PDE9A: variants seen among roughly 807,000 people sequenced by gnomAD.
PDE9A encodes the protein phosphodiesterase 9A, also known as high affinity cGMP-specific 3',5'-cyclic phosphodiesterase 9A.
Under a neutral mutation model 87.4 loss-of-function variants are expected in PDE9A, and 60 were observed. The observed-to-expected ratio is 0.69, with a 90% CI of 0.56 to 0.85. The LOEUF is 0.85. Ranked by LOEUF, PDE9A falls within the 40% of genes least tolerant of loss-of-function variation. The pLI, the probability that PDE9A is intolerant of heterozygous loss-of-function variation, is 0.00. For missense variants in PDE9A, 665 were observed against 779.0 expected, an observed-to-expected ratio of 0.85 and a Z score of 1.74; for synonymous variants, 272 against 279.4, an observed-to-expected ratio of 0.97 and a Z score of 0.27.
In PDE9A at chr21:42,759,812, T is replaced by TGTGTGTGTGTGGATGTGGGGTGTGTGA; in HGVS notation, c.898-508_898-482dup. On this transcript the variant is annotated intron_variant, in intron 11 of 19. Coordinates refer to ENST00000291539, the MANE Select transcript of PDE9A (RefSeq NM_002606.3). This position sits in a 1 kb window ranked among gnomAD's most constrained non-coding sequence, Gnocchi z 7.2. The stretch of plus-strand genomic sequence containing the variant: ...GGGTGTGTGAGGGTGGATGTGTGCA[T>TGTGTGTGTGTGGATGTGGGGTGTGTGA]GTGTGTGTGTGGATGTGGGGTGTGT... Among the ~76,000 whole-genome samples, 2 of 146,202 alleles carry TGTGTGTGTGTGGATGTGGGGTGTGTGA rather than the reference T, an allele frequency of 1.4e-5. No individual in the cohort carries two copies. Among genetic ancestry groups the TGTGTGTGTGTGGATGTGGGGTGTGTGA allele is most frequent in the African/African-American group, 5.1e-5 (2 of 39,270 alleles).
chr21:42,669,124 G>A (rs1029195161), intron 1 of PDE9A, among the ~76,000 whole-genome samples: 31 of 152,266 alleles, frequency 2.0e-4, no homozygotes, highest in African/African-American at 7.2e-4. Flanking sequence ...GTAGCAAATG[G>A]CCATAAATGC....
intron 17 of PDE9A, 99 bp downstream of exon 17, chr21:42,769,254 C>T (rs1196710156): frequency 2.6e-6 from 3 of 1,137,664 alleles, no homozygotes; most frequent in Non-Finnish European, 3.9e-6. Context: ...CAGGTACACA[C>T]AGACACACAC....
At position 42,732,108 on chromosome 21, in the gene PDE9A, G is replaced by A. The variant is rs1179298961; in HGVS notation, c.481G>A (p.Ala161Thr). Residue 161 changes from alanine to threonine, a missense_variant, in exon 6 of 20, where the codon GCA (alanine) becomes ACA (threonine). By Grantham distance (58) the Ala-to-Thr change is moderately conservative. Transcript: ENST00000291539. ...ELIQSVLAQV[A>T]EQFSRAFKIN... is the part of the protein sequence containing the mutation. ...AATCCAGAGCGTGCTGGCGCAGGTT[G>A]CAGAGCAGTTCTCAAGGTACAGAGT... 5.0e-6 allele frequency: 8 copies of A among 1,614,138 alleles called. No individual in the cohort carries two copies. Among genetic ancestry groups the A allele is most frequent in the Non-Finnish European group, 6.8e-6 (8 of 1,179,968 alleles).
rs370215795 is a variant in PDE9A, at chr21:42,765,372, G to A, written c.1243-9G>A. 3.2e-5 allele frequency: 49 copies of A among 1,527,098 alleles called. 1 individual carries two copies. Among genetic ancestry groups the A allele is most frequent in the African/African-American group, 2.7e-4 (20 of 73,298 alleles). 94.6% of individuals were successfully genotyped at this position (1,527,098 alleles called of 1,614,324 possible). A position where few individuals can be genotyped will look rare whatever the true frequency, so the allele number is the denominator to read the frequency against. On this transcript the variant is annotated splice_polypyrimidine_tract_variant and intron_variant, in intron 14 of 19. Coordinates refer to ENST00000291539, the MANE Select transcript of PDE9A (RefSeq NM_002606.3). Reference sequence around the variant, plus strand: ...ACCCGTGTTAACACGTTGTTCTCTCGCTATTTAGGGAATGATCACATTAAT... The same window carrying A: ...ACCCGTGTTAACACGTTGTTCTCTCACTATTTAGGGAATGATCACATTAAT...
chr21:42,775,458 A>G lies in PDE9A; in HGVS notation c.*165A>G. On this transcript the variant is annotated 3_prime_UTR_variant, in exon 20 of 20. Coordinates refer to ENST00000291539, the MANE Select transcript of PDE9A (RefSeq NM_002606.3). ...AAAAAAAAGGAATTCATGATGCTGTACAGAATTTTATTTTTAAACTGTCTT... is the reference window on the plus strand; with the variant it reads ...AAAAAAAAGGAATTCATGATGCTGTGCAGAATTTTATTTTTAAACTGTCTT... 3 of 541,166 alleles carry G rather than the reference A, an allele frequency of 5.5e-6. No individual in the cohort carries two copies. The highest frequency in any genetic ancestry group is 9.9e-6 in the Non-Finnish European group (3 of 303,896). The allele number at this position is 541,166 out of a possible 1,614,324, so 33.5% of individuals were successfully genotyped here. A position where few individuals can be genotyped will look rare whatever the true frequency, so the allele number is the denominator to read the frequency against.
chr21:42,685,003 G>A (rs1354116241), intron 1 of PDE9A, among the ~76,000 whole-genome samples: 5 of 151,232 alleles, frequency 3.3e-5, no homozygotes, highest in African/African-American at 4.9e-5. Context: ...AAAATGGTGC[G>A]CTGGGCACCG....
chr21:42,707,642 C>T (rs529200071), intron 4 of PDE9A, among the ~76,000 whole-genome samples: 2 of 152,152 alleles, frequency 1.3e-5, no homozygotes, highest in Non-Finnish European at 2.9e-5. Context: ...TCCTTGTCTC[C>T]GGTGGGCTTT....
chr21:42,706,452 C>T (rs1569178545), intron 4 of PDE9A, among the ~76,000 whole-genome samples: 1 of 152,138 alleles, frequency 6.6e-6, no homozygotes, highest in Non-Finnish European at 1.5e-5. Context: ...TGAGACCAGA[C>T]TGGCCAACAT....
chr21:42,736,066 G>T (rs962473467), intron 7 of PDE9A, among the ~76,000 whole-genome samples: 14 of 152,028 alleles, frequency 9.2e-5, no homozygotes, highest in African/African-American at 2.7e-4. Context: ...GCGGGCAGCA[G>T]GTGCCTCCCA....
intron 1 of PDE9A, among the ~76,000 whole-genome samples, chr21:42,668,905 G>GC (rs199971347): frequency 1.7e-5 from 2 of 115,650 alleles, no homozygotes; most frequent in African/African-American, 7.7e-5. Context: ...TCCACCCCCC[G>GC]CCACGTCCCA....
intron 4 of PDE9A, among the ~76,000 whole-genome samples, chr21:42,727,155 G>T (rs9978356): frequency 1.3e-5 from 2 of 150,164 alleles, no homozygotes; most frequent in Admixed American, 1.3e-4. Flanking sequence ...TATGTGGGGA[G>T]AATTTACTAT....
chr21:42,670,240 C>CACACACAT (rs796446421), intron 1 of PDE9A, among the ~76,000 whole-genome samples: 4 of 97,692 alleles, frequency 4.1e-5, no homozygotes, highest in Admixed American at 1.0e-4. Flanking sequence ...TACATTCACA[C>CACACACAT]TCATACACAT....
At chr21:42,725,668 T>C (rs573390154) in intron 4 of PDE9A, among the ~76,000 whole-genome samples, 2 of 152,246 alleles carry the variant, frequency 1.3e-5, no homozygotes, top group African/African-American at 2.4e-5. Flanking sequence ...TTGTCGCCTA[T>C]ATCCGTGGTT....
At chr21:42,727,489 A>ATTTTTTTTTTTTTTTTT (rs58515760) in intron 4 of PDE9A, among the ~76,000 whole-genome samples, 1 of 88,340 alleles carries the variant, frequency 1.1e-5, no homozygotes, top group African/African-American at 5.1e-5. Flanking sequence ...ACGCCTGGCT[A>ATTTTTTTTTTTTTTTTT]TTTTTTTTTT....
At chr21:42,711,507 T>A (rs907839092) in intron 4 of PDE9A, among the ~76,000 whole-genome samples, 1 of 152,032 alleles carries the variant, frequency 6.6e-6, no homozygotes, top group African/African-American at 2.4e-5. Context: ...CACCTCGGCC[T>A]CCCAAAGTGC....
Position 42,770,813 on chromosome 21 carries a change from G to T in PDE9A, c.1686+15G>T. On this transcript the variant is annotated intron_variant, in intron 18 of 19. Coordinates refer to ENST00000291539, the MANE Select transcript of PDE9A (RefSeq NM_002606.3). Reference sequence around the variant, plus strand: ...CCATGAAAGAGGTAAAACACACTGAGAAGAGCCTGCCTTCCTTGCGGCAAG... The same window carrying T: ...CCATGAAAGAGGTAAAACACACTGATAAGAGCCTGCCTTCCTTGCGGCAAG... The T allele has an allele frequency of 6.3e-7, 1 of 1,596,986 alleles. No individual in the cohort carries two copies. Among genetic ancestry groups the T allele is most frequent in the South Asian group, 1.1e-5 (1 of 90,764 alleles).
chr21:42,731,454 A>G (rs8132186), intron 4 of PDE9A, among the ~76,000 whole-genome samples: 26,697 of 152,106 alleles, frequency 0.18, 2,660 homozygotes, highest in African/African-American at 0.28. Flanking sequence ...CGCTGTGAGC[A>G]TCCACACCTT....
At chr21:42,683,605 G>A (rs920115877) in intron 1 of PDE9A, among the ~76,000 whole-genome samples, 18 of 152,250 alleles carry the variant, frequency 1.2e-4, no homozygotes, top group African/African-American at 4.1e-4. Flanking sequence ...ATGCTCCTGA[G>A]ATGGAGAAGC....
At chr21:42,769,624 GCA>G (rs1342037951) in intron 17 of PDE9A, among the ~76,000 whole-genome samples, 4 of 120,782 alleles carry the variant, frequency 3.3e-5, no homozygotes, top group Admixed American at 8.3e-5. Context: ...AGGTACACAT[GCA>G]CACACAGGCA....
Sources: gnomAD v4.1 joint callset for allele counts (sites outside exome capture counted in the v4.1 genomes callset) on GRCh38, gnomAD v4.1.1 for gene constraint, Gnocchi (gnomAD v3.1) non-coding constraint, MANE v1.5 for transcripts, NCBI Gene and HGNC (gene_info 2026-07-23, HGNC 2026-07-21) for gene names.